Variants in ARL13B observed in about 807,000 individuals in gnomAD.
The protein encoded by ARL13B is ADP-ribosylation factor-like protein 13B.
Under a neutral mutation model 56.1 loss-of-function variants are expected in ARL13B, and 36 were observed. The ratio of observed to expected loss-of-function variants is 0.64; its 90% confidence interval spans 0.49 to 0.85. The LOEUF (loss-of-function observed/expected upper bound fraction) is 0.85. Among genes scored for constraint, ARL13B ranks in the 40% least tolerant of loss-of-function variants. The pLI is 0.00. For missense variants in ARL13B, 519 were observed against 507.1 expected, an observed-to-expected ratio of 1.02 and a Z score of -0.23; for synonymous variants, 178 against 171.1, an observed-to-expected ratio of 1.04 and a Z score of -0.32.
intron 2 of ARL13B, among the ~76,000 whole-genome samples, chr3:94,001,977 G>A (rs190622114): frequency 1.3e-5 from 2 of 152,270 alleles, no homozygotes; most frequent in Admixed American, 1.3e-4. Context: ...ATTAGCAAAA[G>A]TATGACTTGT....
At chr3:94,049,363 C>G in intron 7 of ARL13B, 43 bp from the exon 8 acceptor site, 1 of 1,272,640 alleles carries the variant, frequency 7.9e-7, no homozygotes, top group Non-Finnish European at 1.1e-6. Flanking sequence ...TAAAAGTGCA[C>G]TTTTTCATAA....
rs2076747912 is a variant in ARL13B, at chr3:94,035,330, G to A, written c.381-1G>A. ...ATAAAAGTACTTTAATTATCTTTCA[G>A]GTTGGCAAATAAACAAGATAAAGAA... On this transcript the variant is annotated splice_acceptor_variant, in intron 3 of 9. Coordinates refer to ENST00000394222, the MANE Select transcript of ARL13B (RefSeq NM_001174150.2). LOFTEE classifies it high-confidence loss of function. 2 of 1,595,770 alleles carry A rather than the reference G, an allele frequency of 1.3e-6. No individual in the cohort carries two copies. The highest frequency in any genetic ancestry group is 4.5e-5 in the East Asian group (2 of 44,666).
At chr3:94,011,375 CT>C (rs2076222155) in intron 3 of ARL13B, among the ~76,000 whole-genome samples, 1 of 152,122 alleles carries the variant, frequency 6.6e-6, no homozygotes, top group African/African-American at 2.4e-5. Flanking sequence ...ATCTTCTTAT[CT>C]TTCTTAGAAT....
chr3:94,017,402 G>A (rs2076356012), intron 3 of ARL13B, among the ~76,000 whole-genome samples: 1 of 152,176 alleles, frequency 6.6e-6, no homozygotes, highest in Non-Finnish European at 1.5e-5. Context: ...TTCATGAGGT[G>A]CTGAGTTTGC....
intron 3 of ARL13B, among the ~76,000 whole-genome samples, chr3:94,006,668 A>G (rs1298916262): frequency 6.6e-6 from 1 of 152,166 alleles, no homozygotes; most frequent in African/African-American, 2.4e-5. Context: ...GCTTGTTATG[A>G]CCAGTGAAAC....
intron 3 of ARL13B, among the ~76,000 whole-genome samples, chr3:94,010,143 T>A (rs568835156): frequency 6.6e-6 from 1 of 152,224 alleles, no homozygotes; most frequent in African/African-American, 2.4e-5. Flanking sequence ...GGAGAAAGTG[T>A]TAAGTCAGAA....
At chr3:93,993,798 A>T (rs2075918524) in intron 1 of ARL13B, among the ~76,000 whole-genome samples, 1 of 152,206 alleles carries the variant, frequency 6.6e-6, no homozygotes, top group Non-Finnish European at 1.5e-5. Flanking sequence ...TATTTTTCAT[A>T]GTTGATAAAG....
intron 3 of ARL13B, among the ~76,000 whole-genome samples, chr3:94,019,040 A>G (rs1426282282): frequency 1.3e-5 from 2 of 152,140 alleles, no homozygotes; most frequent in Admixed American, 6.5e-5. Context: ...TGCTGGGATT[A>G]CAGCTGTGAG....
chr3:94,006,490 A>T (rs2076137722), intron 3 of ARL13B, among the ~76,000 whole-genome samples: 1 of 151,890 alleles, frequency 6.6e-6, no homozygotes, highest in Non-Finnish European at 1.5e-5. Context: ...ATTTCCCTTT[A>T]GTGTTACCTC....
intron 9 of ARL13B, among the ~76,000 whole-genome samples, chr3:94,052,294 A>G (rs141466559): frequency 4.6e-5 from 7 of 152,278 alleles, no homozygotes; most frequent in Non-Finnish European, 1.0e-4. Flanking sequence ...TAAGATGTAC[A>G]TTCTGCCTTT....
Position 93,980,300 on chromosome 3 carries a change from C to G in ARL13B, c.-124C>G. 1.5e-6 allele frequency: 2 copies of G among 1,338,680 alleles called. No homozygotes were observed. Among genetic ancestry groups the G allele is most frequent in the Non-Finnish European group, 2.1e-6 (2 of 948,528 alleles). The allele number at this position is 1,338,680 out of a possible 1,614,324, so 82.9% of individuals were successfully genotyped here. ...GGGCCGGCCGCCTTCACTTCCCTCC[C>G]GGCTTTTCCTCCCGACTTATCCACT... On this transcript the variant is annotated 5_prime_UTR_variant, in exon 1 of 10. Transcript: ENST00000394222.
chr3:94,044,556 G>A (rs1371243116), intron 7 of ARL13B, among the ~76,000 whole-genome samples: 84 of 144,276 alleles, frequency 5.8e-4, no homozygotes, highest in African/African-American at 1.5e-3. Context: ...GGTGAGGAGC[G>A]CCTCTGCCTG....
chr3:94,000,219 G>A (rs906478583), intron 2 of ARL13B, among the ~76,000 whole-genome samples: 16 of 152,068 alleles, frequency 1.1e-4, no homozygotes, highest in African/African-American at 3.9e-4. Flanking sequence ...TTTGAAATTG[G>A]CCATGGTCAA....
At chr3:94,048,299 A>T (rs1304595194) in intron 7 of ARL13B, 2 of 152,256 alleles carry the variant, frequency 1.3e-5, no homozygotes, top group African/African-American at 2.4e-5. Flanking sequence ...GTGAGCCAAG[A>T]TCGCACCACT....
At chr3:94,018,158 A>G (rs1402750760) in intron 3 of ARL13B, among the ~76,000 whole-genome samples, 2 of 151,928 alleles carry the variant, frequency 1.3e-5, no homozygotes, top group Non-Finnish European at 2.9e-5. Flanking sequence ...TTGTCCTCCC[A>G]GAGTGCTAAG....
intron 1 of ARL13B, chr3:93,988,706 C>T (rs1374747654): frequency 2.2e-6 from 1 of 457,868 alleles, no homozygotes; most frequent in Admixed American, 2.6e-5. Flanking sequence ...TCTTCGTTTT[C>T]TGCAGGTAAA....
intron 1 of ARL13B, among the ~76,000 whole-genome samples, chr3:93,986,424 TTTTC>T (rs1185625784): frequency 1.2e-4 from 18 of 152,340 alleles, no homozygotes; most frequent in East Asian, 5.8e-4. Context: ...CGATACATTT[TTTTC>T]TTTCTATCAA....
chr3:94,003,985 G>A (rs2076094300), intron 3 of ARL13B, 77 bp downstream of exon 3: 1 of 1,591,604 alleles, frequency 6.3e-7, no homozygotes, highest in African/African-American at 1.3e-5. Flanking sequence ...TTACAGACTA[G>A]TGAATAAGCT....
rs1560016868 is a variant in ARL13B at position 94,049,457 on chromosome 3, T to A, written c.1076T>A (p.Val359Glu). 6.2e-7 allele frequency: 1 copy of A among 1,610,658 alleles called. No homozygotes were observed. Among genetic ancestry groups the A allele is most frequent in the Non-Finnish European group, 8.5e-7 (1 of 1,178,776 alleles). ...CTAAGAATGAAAAGGAACCACCGGG[T>A]AGAACCACTTAATATAGATGACTGT... ...KKLRMKRNHR[V>E]EPLNIDDCAP... The change falls in exon 8 of 10, where the codon GTA (valine) becomes GAA (glutamate). Residue 359 changes from valine to glutamate, a missense_variant. Transcript: ENST00000394222.
Sources: gnomAD v4.1 joint callset for allele counts (sites outside exome capture counted in the v4.1 genomes callset) on GRCh38, gnomAD v4.1.1 for gene constraint, MANE v1.5 for transcripts, NCBI Gene and HGNC (gene_info 2026-07-23, HGNC 2026-07-21) for gene names.